PCDH15: variants seen among roughly 807,000 people sequenced by gnomAD.
The protein encoded by PCDH15 is protocadherin-15.
Under a neutral mutation model 178.5 loss-of-function variants are expected in PCDH15, and 129 were observed. The ratio of observed to expected loss-of-function variants is 0.72; its 90% confidence interval spans 0.63 to 0.84. The LOEUF (loss-of-function observed/expected upper bound fraction) is 0.84, where lower values mean the gene tolerates loss of function less well. PCDH15 is among the 40% of genes least tolerant of loss of function. PCDH15 has a pLI of 0.00. For synonymous variants in PCDH15, 800 were observed against 732.0 expected (o/e 1.09, Z -1.50); for missense variants, 2,230 against 2,099.9 (o/e 1.06, Z -1.21).
intron 28 of PCDH15, among the ~76,000 whole-genome samples, chr10:53,851,943 G>T (rs988873051): frequency 7.9e-5 from 12 of 151,374 alleles, no homozygotes; most frequent in South Asian, 2.1e-4. Context: ...TACTATAATT[G>T]AATTTTCATA....
intron 2 of PCDH15, among the ~76,000 whole-genome samples, chr10:54,940,031 A>G (rs1838020180): frequency 6.6e-6 from 1 of 152,134 alleles, no homozygotes; most frequent in Admixed American, 6.5e-5. Flanking sequence ...TATCTCTTCC[A>G]TTAATTTCAT....
intron 2 of PCDH15, among the ~76,000 whole-genome samples, chr10:54,946,547 C>T (rs958778320): frequency 6.6e-6 from 1 of 151,752 alleles, no homozygotes; most frequent in Non-Finnish European, 1.5e-5. Flanking sequence ...ATTGCTGGGT[C>T]TTTTTAGAAA....
chr10:55,261,651 G>T (rs145626206), intron 1 of PCDH15, among the ~76,000 whole-genome samples: 3 of 152,010 alleles, frequency 2.0e-5, no homozygotes, highest in African/African-American at 7.2e-5. Flanking sequence ...GATCTCCCGA[G>T]AATCATTCTT....
At chr10:54,903,477 C>T (rs1169414520) in intron 2 of PCDH15, among the ~76,000 whole-genome samples, 2 of 151,834 alleles carry the variant, frequency 1.3e-5, no homozygotes, top group Non-Finnish European at 2.9e-5. Flanking sequence ...GAATGTTCCC[C>T]TGTATAGGTC....
chr10:54,602,845 A>G (rs747314697), intron 2 of PCDH15, among the ~76,000 whole-genome samples: 32 of 151,742 alleles, frequency 2.1e-4, no homozygotes, highest in Non-Finnish European at 3.7e-4. Context: ...AATTTTTTCA[A>G]TGTGTTGTTG....
chr10:54,798,948 C>T (rs780178167), intron 1 of PCDH15, among the ~76,000 whole-genome samples: 1 of 152,098 alleles, frequency 6.6e-6, no homozygotes, highest in Non-Finnish European at 1.5e-5. Context: ...GTACACTCAT[C>T]TACCCAATAA....
intron 13 of PCDH15, among the ~76,000 whole-genome samples, chr10:54,174,728 C>G (rs1403977306): frequency 1.6e-5 from 1 of 61,200 alleles, no homozygotes; most frequent in African/African-American, 5.4e-5. Flanking sequence ...TTTTTTGAGA[C>G]AGAGTCTCGT....
At chr10:54,287,057 TAA>T (rs1322388680) in intron 8 of PCDH15, among the ~76,000 whole-genome samples, 3 of 152,228 alleles carry the variant, frequency 2.0e-5, no homozygotes, top group Admixed American at 6.5e-5. Flanking sequence ...AACTGATTGA[TAA>T]GTTATACATT....
chr10:55,103,108 TTTC>T (rs1842608475), intron 2 of PCDH15, among the ~76,000 whole-genome samples: 1 of 141,868 alleles, frequency 7.0e-6, no homozygotes, highest in Admixed American at 6.7e-5. Context: ...CTCTCTGATT[TTTC>T]TTTTTTTTTT....
intron 2 of PCDH15, among the ~76,000 whole-genome samples, chr10:55,589,712 A>C (rs1427440641): frequency 6.6e-6 from 1 of 151,266 alleles, no homozygotes; most frequent in African/African-American, 2.4e-5. Context: ...ACATGAAAAA[A>C]TGCTCATCAT....
intron 13 of PCDH15, among the ~76,000 whole-genome samples, 200 bp from the exon 14 acceptor site, chr10:54,153,493 T>C (rs151011976): frequency 4.5e-4 from 68 of 152,250 alleles, no homozygotes; most frequent in African/African-American, 1.5e-3. Context: ...ATCACAAAAA[T>C]AAGAGTGATT....
chr10:55,050,115 A>G (rs1332050075), intron 2 of PCDH15, among the ~76,000 whole-genome samples: 1 of 152,064 alleles, frequency 6.6e-6, no homozygotes, highest in East Asian at 1.9e-4. Context: ...CATTATGTCC[A>G]TTTGAAAATA....
chr10:55,085,888 TAAA>T (rs1227307769), intron 2 of PCDH15, among the ~76,000 whole-genome samples: 3 of 151,714 alleles, frequency 2.0e-5, no homozygotes, highest in African/African-American at 4.8e-5. Flanking sequence ...ACTATAATAA[TAAA>T]GACACAATAA....
At chr10:54,722,429 A>G (rs72794550) in intron 1 of PCDH15, among the ~76,000 whole-genome samples, 1 of 151,588 alleles carries the variant, frequency 6.6e-6, no homozygotes, top group Non-Finnish European at 1.5e-5. Context: ...TTTAACTAGC[A>G]GTCAATTCTG....
intron 1 of PCDH15, among the ~76,000 whole-genome samples, chr10:55,250,330 G>A (rs1322811978): frequency 6.6e-6 from 1 of 151,420 alleles, no homozygotes; most frequent in Non-Finnish European, 1.5e-5. Flanking sequence ...TATTTTTTGT[G>A]GAGATAGGGT....
At chr10:54,671,061 G>T (rs1361224520) in intron 1 of PCDH15, among the ~76,000 whole-genome samples, 1 of 152,010 alleles carries the variant, frequency 6.6e-6, no homozygotes, top group Non-Finnish European at 1.5e-5. Context: ...ATGGGAAAAA[G>T]CTTAGTTTGA....
At chr10:55,560,432 CTTAA>C (rs1842174585) in intron 2 of PCDH15, among the ~76,000 whole-genome samples, 2 of 151,784 alleles carry the variant, frequency 1.3e-5, no homozygotes, top group South Asian at 4.1e-4. Flanking sequence ...TAGTGATTGC[CTTAA>C]TTGATAGTGA....
chr10:54,257,812 G>T (rs928606092), intron 8 of PCDH15, among the ~76,000 whole-genome samples: 1 of 152,064 alleles, frequency 6.6e-6, no homozygotes, highest in Non-Finnish European at 1.5e-5. Context: ...AGAAGCATTC[G>T]TCTTGAAACA....
chr10:53,820,328 G>T (rs1470645337), intron 32 of PCDH15, 98 bp from the exon 33 acceptor site: 9 of 393,696 alleles, frequency 2.3e-5, no homozygotes, highest in Non-Finnish European at 3.6e-5. Context: ...AAGCAGATGG[G>T]CTAATAAAAA....
Sources: gnomAD v4.1 joint callset for allele counts (sites outside exome capture counted in the v4.1 genomes callset) on GRCh38, gnomAD v4.1.1 for gene constraint, MANE v1.5 for transcripts, NCBI Gene and HGNC (gene_info 2026-07-23, HGNC 2026-07-21) for gene names.